TTC7B: variants seen among roughly 807,000 people sequenced by gnomAD.
TTC7B encodes the protein tetratricopeptide repeat protein 7B.
Under a neutral mutation model 106.8 loss-of-function variants are expected in TTC7B, and 28 were observed. The ratio of observed to expected loss-of-function variants is 0.26; its 90% CI spans 0.19 to 0.36. The LOEUF (loss-of-function observed/expected upper bound fraction) is 0.36, where lower values mean the gene tolerates loss of function less well. TTC7B is among the 10% of genes least tolerant of loss of function. TTC7B has a pLI of 1.00. For synonymous variants in TTC7B, 405 were observed against 430.6 expected (o/e 0.94, Z 0.74); for missense variants, 862 against 1,076.4 (o/e 0.80, Z 2.79).
intron 5 of TTC7B, among the ~76,000 whole-genome samples, chr14:90,728,500 G>A (rs75827385): frequency 0.043 from 6,599 of 152,078 alleles, 188 homozygotes; most frequent in Non-Finnish European, 0.06. Flanking sequence ...CCTTGAACTC[G>A]AATAAAGTAA....
chr14:90,590,020 A>G (rs977892910), intron 18 of TTC7B, among the ~76,000 whole-genome samples: 2 of 152,114 alleles, frequency 1.3e-5, no homozygotes, highest in African/African-American at 4.8e-5. Context: ...GTGGTGGGGG[A>G]CAAAGTACAG....
intron 15 of TTC7B, among the ~76,000 whole-genome samples, chr14:90,622,967 C>G (rs1172861426): frequency 6.6e-6 from 1 of 152,094 alleles, no homozygotes; most frequent in Non-Finnish European, 1.5e-5. Flanking sequence ...TGGTCAGCTT[C>G]CCCCATGTGT....
In TTC7B at chr14:90,608,144, A is replaced by G. The variant is rs73326822; in HGVS notation, c.1966+2598T>C. ...ACAGCATCTGCCCCTTCTTGACTGC[A>G]CCATGAGCTGAACCATATGCAACTG... On this transcript the variant is annotated intron_variant, in intron 17 of 19. Transcript: ENST00000328459. The surrounding 1 kb of genome is among the most constrained non-coding windows in gnomAD (Gnocchi z 5.1). Among the ~76,000 whole-genome samples the G allele has an allele frequency of 0.051, 7,698 of 152,308 alleles. 682 individuals are homozygous for G. Among genetic ancestry groups the G allele is most frequent in the African/African-American group, 0.18 (7,277 of 41,534 alleles).
At chr14:90,601,349 GAGTGT>G (rs1314911858) in intron 17 of TTC7B, among the ~76,000 whole-genome samples, 3 of 152,124 alleles carry the variant, frequency 2.0e-5, no homozygotes, top group Non-Finnish European at 4.4e-5. Flanking sequence ...ATACATTCTT[GAGTGT>G]TAGAAAATGC....
At chr14:90,605,104 C>T (rs1340768896) in intron 17 of TTC7B, among the ~76,000 whole-genome samples, 1 of 152,138 alleles carries the variant, frequency 6.6e-6, no homozygotes, top group Non-Finnish European at 1.5e-5. Context: ...GGATCCGCTG[C>T]TTTAAAGGTT....
At chr14:90,754,084 A>G (rs1471586402) in intron 3 of TTC7B, among the ~76,000 whole-genome samples, 4 of 152,238 alleles carry the variant, frequency 2.6e-5, no homozygotes, top group Non-Finnish European at 4.4e-5. Flanking sequence ...TAATTCATCT[A>G]TAAATGCTAT....
At chr14:90,604,154 G>A (rs139208105) in intron 17 of TTC7B, among the ~76,000 whole-genome samples, 281 of 152,272 alleles carry the variant, frequency 1.8e-3, no homozygotes, top group Non-Finnish European at 3.3e-3. Flanking sequence ...GGTCTGTTGT[G>A]CAGAAAAGAG....
At chr14:90,735,036 G>A (rs914083339) in intron 4 of TTC7B, among the ~76,000 whole-genome samples, 16 of 152,052 alleles carry the variant, frequency 1.1e-4, no homozygotes, top group Middle Eastern at 3.4e-3. Flanking sequence ...CACCTGCCTC[G>A]GCCTCCCAAA....
intron 1 of TTC7B, among the ~76,000 whole-genome samples, chr14:90,806,440 T>C (rs1341205915): frequency 1.3e-5 from 2 of 152,226 alleles, no homozygotes; most frequent in African/African-American, 4.8e-5. Context: ...CTATCACTGC[T>C]GCTGTTATCA....
intron 19 of TTC7B, among the ~76,000 whole-genome samples, chr14:90,566,076 G>A (rs1890781315): frequency 1.3e-5 from 2 of 152,122 alleles, no homozygotes; most frequent in Non-Finnish European, 2.9e-5. Context: ...GATAGACCAG[G>A]CACGGTGGCT....
intron 13 of TTC7B, among the ~76,000 whole-genome samples, chr14:90,647,831 TCTA>T (rs1208907200): frequency 6.6e-6 from 1 of 152,164 alleles, no homozygotes; most frequent in East Asian, 1.9e-4. Context: ...AAAACAAACT[TCTA>T]CTTTCTTTAA....
intron 5 of TTC7B, among the ~76,000 whole-genome samples, chr14:90,720,841 TCTC>T (rs1888867852): frequency 6.6e-6 from 1 of 152,176 alleles, no homozygotes. Flanking sequence ...TGTTTTTTCT[TCTC>T]CTGCTGGACT....
rs1889178189 is a variant in TTC7B at position 90,527,669 on chromosome 14, C to T, written c.*13699G>A. The T allele has an allele frequency of 6.6e-6, 1 of 151,374 alleles. No individual in the cohort carries two copies. The highest frequency in any genetic ancestry group is 6.6e-5 in the Admixed American group (1 of 15,218). The allele number at this position is 151,374 out of a possible 1,614,324, so 9.4% of individuals were successfully genotyped here. ...CTGCTTCCCGGGTTCATGCCATTCT[C>T]CTGCCTCAGCCTCCCGAGTAGCTGG... is the stretch of plus-strand genomic sequence containing the variant. On this transcript the variant is annotated 3_prime_UTR_variant, in exon 20 of 20. Transcript: ENST00000328459.
intron 3 of TTC7B, among the ~76,000 whole-genome samples, chr14:90,779,991 T>C (rs902491839): frequency 6.6e-6 from 1 of 152,346 alleles, no homozygotes; most frequent in East Asian, 1.9e-4. Flanking sequence ...TCATCAGCCA[T>C]GTGGCCAACT....
intron 9 of TTC7B, among the ~76,000 whole-genome samples, chr14:90,673,824 A>C (rs936113891): frequency 1.3e-5 from 2 of 152,212 alleles, no homozygotes; most frequent in Non-Finnish European, 2.9e-5. Context: ...TATGTGAAAG[A>C]AGCCAGACAC....
intron 2 of TTC7B, among the ~76,000 whole-genome samples, chr14:90,783,834 G>A (rs754000787): frequency 6.6e-6 from 1 of 152,136 alleles, no homozygotes; most frequent in Admixed American, 6.5e-5. Context: ...CTACTCAGGA[G>A]GCTGAGGCAT....
chr14:90,678,339 C>T (rs1340691855), intron 8 of TTC7B, among the ~76,000 whole-genome samples: 1 of 152,076 alleles, frequency 6.6e-6, no homozygotes, highest in African/African-American at 2.4e-5. Context: ...GGTGGAGAAG[C>T]GACGGACAAA....
At chr14:90,618,116 T>C (rs1219565121) in intron 15 of TTC7B, 71 bp from the exon 16 acceptor site, 2 of 1,174,042 alleles carry the variant, frequency 1.7e-6, no homozygotes, top group Non-Finnish European at 2.5e-6. Context: ...GCAAGACAAG[T>C]GGTGGGCTTA....
At chr14:90,658,248 C>T (rs187480501) in intron 10 of TTC7B, 56 bp downstream of exon 10, 6 of 1,438,124 alleles carry the variant, frequency 4.2e-6, no homozygotes, top group African/African-American at 1.4e-5. Flanking sequence ...TGACATTCAA[C>T]TCTTTGGCCT....
Sources: gnomAD v4.1 joint callset for allele counts (sites outside exome capture counted in the v4.1 genomes callset) on GRCh38, gnomAD v4.1.1 for gene constraint, Gnocchi (gnomAD v3.1) non-coding constraint, MANE v1.5 for transcripts, NCBI Gene and HGNC (gene_info 2026-07-23, HGNC 2026-07-21) for gene names.